NTRK3: variants seen among roughly 807,000 people sequenced by gnomAD.
NTRK3 encodes NT-3 growth factor receptor.
NTRK3 carries 24 observed loss-of-function variants against 91.7 expected under a neutral mutation model. The observed-to-expected ratio is 0.26, with a 90% confidence interval of 0.19 to 0.37. NTRK3 has a LOEUF of 0.37. Ranked by LOEUF, NTRK3 falls within the 10% of genes least tolerant of loss-of-function variation. The pLI is 1.00. For missense variants in NTRK3, 880 were observed against 1,068.9 expected (o/e 0.82, Z 2.46); for synonymous variants, 483 against 404.0 (o/e 1.20, Z -2.34).
intron 17 of NTRK3, among the ~76,000 whole-genome samples, chr15:87,905,438 A>C (rs568726558): frequency 2.0e-5 from 3 of 152,280 alleles, no homozygotes; most frequent in Non-Finnish European, 4.4e-5. Flanking sequence ...TTATGCGTAA[A>C]ACAACAGGTT....
At position 88,241,848 on chromosome 15, in the gene NTRK3, C is replaced by T. The variant is rs1477599396; in HGVS notation, c.248+14058G>A. ...CTCTCAGCAAAGCTTGGCCCACCTC[C>T]CCTCTCCAGAGGTCGATTTCCAGGT... On this transcript the variant is annotated intron_variant, in intron 3 of 18. Coordinates refer to ENST00000394480, the Ensembl canonical transcript of NTRK3. The surrounding 1 kb of genome is among the most constrained non-coding windows in gnomAD (Gnocchi z 4.3). 6.6e-6 allele frequency among the ~76,000 whole-genome samples: 1 copy of T among 152,176 alleles called. No individual in the cohort carries two copies. Among genetic ancestry groups the T allele is most frequent in the Non-Finnish European group, 1.5e-5 (1 of 68,024 alleles).
At chr15:88,181,051 T>C (rs2046411586) in intron 5 of NTRK3, among the ~76,000 whole-genome samples, 1 of 152,160 alleles carries the variant, frequency 6.6e-6, no homozygotes, top group Non-Finnish European at 1.5e-5. Flanking sequence ...GTGCTGACTT[T>C]CTTGAACTAG....
At chr15:88,197,328 C>G (rs921187355) in intron 3 of NTRK3, among the ~76,000 whole-genome samples, 14 of 152,122 alleles carry the variant, frequency 9.2e-5, no homozygotes, top group African/African-American at 3.4e-4. Context: ...CTTAGACAGC[C>G]TCATGCCCAG....
At chr15:88,242,377 A>G (rs2052440172) in intron 3 of NTRK3, among the ~76,000 whole-genome samples, 1 of 152,214 alleles carries the variant, frequency 6.6e-6, no homozygotes, top group Non-Finnish European at 1.5e-5. Flanking sequence ...GAGCAGGTAA[A>G]TCTAGAATTT....
chr15:88,057,214 G>C (rs1346482085), intron 13 of NTRK3, among the ~76,000 whole-genome samples: 1 of 150,832 alleles, frequency 6.6e-6, no homozygotes, highest in Non-Finnish European at 1.5e-5. Flanking sequence ...TGTGTCCTGA[G>C]GGCTGGGTGC....
At chr15:88,170,111 T>A (rs928655676) in intron 5 of NTRK3, among the ~76,000 whole-genome samples, 2 of 152,158 alleles carry the variant, frequency 1.3e-5, no homozygotes, top group African/African-American at 4.8e-5. Context: ...CCTCAACAGA[T>A]GTTCCTGGAG....
rs74803868 is a variant in NTRK3, at chr15:88,193,856, T to G, written c.249-9557A>C. 7.1e-3 allele frequency among the ~76,000 whole-genome samples: 1,089 copies of G among 152,318 alleles called. 19 individuals are homozygous for G. Among genetic ancestry groups the G allele is most frequent in the African/African-American group, 0.025 (1,033 of 41,562 alleles). Reference sequence around the variant, plus strand: ...AAGAAAAAAAACCTCCTTGACTCCATGTCCTCCTCCAGCTACCAACTCATG... The same window carrying G: ...AAGAAAAAAAACCTCCTTGACTCCAGGTCCTCCTCCAGCTACCAACTCATG... On this transcript the variant is annotated intron_variant, in intron 3 of 18. Coordinates refer to ENST00000394480, the Ensembl canonical transcript of NTRK3.
chr15:87,871,986 T>C, exon 19 of NTRK3: 1 of 221,076 alleles, frequency 4.5e-6, no homozygotes, highest in Non-Finnish European at 9.1e-6. Flanking sequence ...AAACAATTTA[T>C]TTGGTATGAA....
intron 13 of NTRK3, among the ~76,000 whole-genome samples, chr15:88,100,075 G>A (rs1257148108): frequency 1.3e-5 from 2 of 152,240 alleles, no homozygotes; most frequent in South Asian, 2.1e-4. Context: ...CCAGTGATGA[G>A]GATAAAGGTT....
intron 3 of NTRK3, among the ~76,000 whole-genome samples, chr15:88,209,576 G>A (rs2141398301): frequency 6.6e-6 from 1 of 152,370 alleles, no homozygotes; most frequent in East Asian, 1.9e-4. Context: ...AGCAACAGCA[G>A]AAAGACCCCA....
intron 13 of NTRK3, among the ~76,000 whole-genome samples, chr15:88,101,438 C>A (rs1051542881): frequency 6.6e-6 from 1 of 152,196 alleles, no homozygotes; most frequent in African/African-American, 2.4e-5. Flanking sequence ...ACTAGTTCAA[C>A]CATTGTGGAA....
At chr15:88,044,300 G>A (rs1359788709) in intron 13 of NTRK3, among the ~76,000 whole-genome samples, 1 of 112,412 alleles carries the variant, frequency 8.9e-6, no homozygotes, top group East Asian at 2.7e-4. Flanking sequence ...TTGCTCTGTT[G>A]CCCAAGCTGG....
chr15:88,115,026 C>T (rs1567442778), intron 13 of NTRK3, among the ~76,000 whole-genome samples: 1 of 152,098 alleles, frequency 6.6e-6, no homozygotes, highest in Non-Finnish European at 1.5e-5. Context: ...ATACAGATAG[C>T]CATTTGTGAG....
chr15:87,920,846 T>G (rs2067808680), intron 17 of NTRK3, among the ~76,000 whole-genome samples: 1 of 152,180 alleles, frequency 6.6e-6, no homozygotes, highest in Non-Finnish European at 1.5e-5. Context: ...ACCCCTGCTT[T>G]GACCACGGTA....
At chr15:88,024,539 G>A (rs973497312) in intron 14 of NTRK3, among the ~76,000 whole-genome samples, 2 of 152,162 alleles carry the variant, frequency 1.3e-5, no homozygotes, top group African/African-American at 4.8e-5. Context: ...TGAGAGTGAG[G>A]GGCCAAGACG....
At position 88,041,514 on chromosome 15, in the gene NTRK3, G is replaced by A. The variant is rs143016298; in HGVS notation, c.1397-8469C>T. Among the ~76,000 whole-genome samples the A allele has an allele frequency of 4.5e-4, 68 of 152,266 alleles. No individual in the cohort carries two copies. The East Asian group carries it at 8.5e-3, about 19-fold the overall frequency. ...AGAAGTGAGGATGCATCACTCCCAC[G>A]TGGAAGCTTGAAGATCCAGTGTGAC... On this transcript the variant is annotated intron_variant, in intron 13 of 18. Coordinates refer to ENST00000394480, the Ensembl canonical transcript of NTRK3.
At chr15:87,976,564 G>A (rs956286182) in intron 14 of NTRK3, among the ~76,000 whole-genome samples, 6 of 152,160 alleles carry the variant, frequency 3.9e-5, no homozygotes, top group African/African-American at 1.4e-4. Flanking sequence ...GGGCCTCACG[G>A]TGTCCTCTCC....
chr15:88,219,264 C>T (rs556966184), intron 3 of NTRK3, among the ~76,000 whole-genome samples: 1 of 152,360 alleles, frequency 6.6e-6, no homozygotes, highest in African/African-American at 2.4e-5. Flanking sequence ...TGACCTGCAG[C>T]AAATTAAGTT....
intron 14 of NTRK3, among the ~76,000 whole-genome samples, chr15:87,968,281 T>C (rs2072961132): frequency 6.6e-6 from 1 of 152,142 alleles, no homozygotes; most frequent in South Asian, 2.1e-4. Flanking sequence ...CATTTGGGGT[T>C]TCTATGACTT....
Sources: allele counts gnomAD v4.1 joint callset (sites outside exome capture counted in the v4.1 genomes callset), GRCh38; gene constraint gnomAD v4.1.1; non-coding constraint Gnocchi (gnomAD v3.1); transcripts MANE v1.5; gene names NCBI Gene and HGNC (gene_info 2026-07-23, HGNC 2026-07-21).